The following KCNQ3 variants were observed in gnomAD, a reference collection of about 807,000 sequenced individuals.
The protein encoded by KCNQ3 is potassium voltage-gated channel subfamily KQT member 3.
KCNQ3 carries 30 observed loss-of-function variants against 92.5 expected under a neutral mutation model. The observed-to-expected ratio is 0.32, with a 90% CI of 0.24 to 0.44. The LOEUF (loss-of-function observed/expected upper bound fraction) is 0.44, where lower values mean the gene tolerates loss of function less well. Among genes scored for constraint, KCNQ3 ranks in the 20% least tolerant of loss-of-function variants. KCNQ3 has a pLI of 1.00. For missense variants in KCNQ3, 913 were observed against 1,140.3 expected (o/e 0.80, Z 2.87); for synonymous variants, 450 against 468.8 (o/e 0.96, Z 0.52).
At chr8:132,177,449 A>G (rs1393086532) in intron 4 of KCNQ3, among the ~76,000 whole-genome samples, 2 of 152,122 alleles carry the variant, frequency 1.3e-5, no homozygotes, top group African/African-American at 2.4e-5. Context: ...AAGTGATGGG[A>G]GTGAATCCCT....
intron 1 of KCNQ3, among the ~76,000 whole-genome samples, chr8:132,477,966 T>C (rs930102946): frequency 2.0e-5 from 3 of 152,210 alleles, no homozygotes; most frequent in Non-Finnish European, 4.4e-5. Context: ...CGCGGACAAG[T>C]GATTTTCTCT....
intron 1 of KCNQ3, among the ~76,000 whole-genome samples, chr8:132,441,576 C>G (rs558204462): frequency 0.025 from 3,133 of 125,744 alleles, 40 homozygotes; most frequent in Middle Eastern, 0.047. Context: ...AATCAAAAAA[C>G]AAAACAAAAC....
chr8:132,437,932 A>T (rs189278574), intron 1 of KCNQ3, among the ~76,000 whole-genome samples: 1 of 152,356 alleles, frequency 6.6e-6, no homozygotes, highest in Admixed American at 6.5e-5. Flanking sequence ...TCCATTAAGC[A>T]GCTTTGTGTG....
intron 1 of KCNQ3, among the ~76,000 whole-genome samples, chr8:132,207,717 T>TA (rs1462231775): frequency 3.3e-5 from 5 of 151,438 alleles, no homozygotes; most frequent in African/African-American, 9.7e-5. Flanking sequence ...TTTTTTTTTT[T>TA]ATCCCATTAG....
chr8:132,176,102 G>C (rs147851259), intron 4 of KCNQ3, among the ~76,000 whole-genome samples: 60 of 152,256 alleles, frequency 3.9e-4, no homozygotes, highest in African/African-American at 1.4e-3. Context: ...ATCTTCATTT[G>C]TTAAATGAAG....
chr8:132,431,421 G>A (rs951406319), intron 1 of KCNQ3, among the ~76,000 whole-genome samples: 5 of 152,170 alleles, frequency 3.3e-5, no homozygotes, highest in Admixed American at 2.0e-4. Context: ...CCTCAGAGTC[G>A]GGGGACACAC....
chr8:132,480,181 G>A lies in KCNQ3; in HGVS notation c.352C>T (p.Pro118Ser). ...QTLIYDALER[P>S]RGWALLYHAL... The stretch of plus-strand genomic sequence containing the variant: ...TGGTAAAGCAGCGCCCAGCCCCGCG[G>A]TCTCTCCAGGGCGTCGTAGATCAAA... The change falls in exon 1 of 15, where the codon CCG becomes TCG. Residue 118 changes from proline (P) to serine (S), a missense_variant. This residue lies in a region of KCNQ3 where 100 missense variants were observed against 217.6 expected (regional missense o/e 0.46). Transcript: ENST00000388996. 1 of 1,612,930 alleles carries A rather than the reference G, an allele frequency of 6.2e-7. No homozygotes were observed. Among genetic ancestry groups the A allele is most frequent in the Non-Finnish European group, 8.5e-7 (1 of 1,179,270 alleles).
At chr8:132,448,356 C>T (rs947453395) in intron 1 of KCNQ3, among the ~76,000 whole-genome samples, 29 of 148,524 alleles carry the variant, frequency 2.0e-4, no homozygotes, top group Non-Finnish European at 3.7e-4. Context: ...ATCCCTGGGA[C>T]GCCTCAGCTG....
intron 1 of KCNQ3, among the ~76,000 whole-genome samples, chr8:132,248,419 G>C (rs1399573439): frequency 2.6e-5 from 4 of 151,474 alleles, no homozygotes; most frequent in Admixed American, 2.6e-4. Context: ...TCCTATTAAA[G>C]TTAGTTCACC....
Position 132,140,736 on chromosome 8 carries a change from A to G in KCNQ3, c.1465+393T>C, listed in dbSNP as rs565908752. ...AGAGGCACATGAGGCCATGGCTCCTACAGCCTCCAGAGGGCGCTTTTCTGC... is the reference window on the plus strand; with the variant it reads ...AGAGGCACATGAGGCCATGGCTCCTGCAGCCTCCAGAGGGCGCTTTTCTGC... On this transcript the variant is annotated intron_variant, in intron 10 of 14. Coordinates refer to ENST00000388996, the MANE Select transcript of KCNQ3 (RefSeq NM_004519.4). 7 of 298,042 alleles carry G rather than the reference A, an allele frequency of 2.3e-5. No individual in the cohort carries two copies. The East Asian group carries it at 6.1e-4, about 26-fold the overall frequency. The allele number at this position is 298,042 out of a possible 1,614,324, so 18.5% of individuals were successfully genotyped here.
chr8:132,228,767 A>C (rs1814525208), intron 1 of KCNQ3, among the ~76,000 whole-genome samples: 2 of 152,014 alleles, frequency 1.3e-5, no homozygotes, highest in Admixed American at 6.6e-5. Flanking sequence ...TTGAAAAAAA[A>C]AAAAAAAGAG....
chr8:132,257,659 A>G (rs578048852), intron 1 of KCNQ3, among the ~76,000 whole-genome samples: 1 of 149,408 alleles, frequency 6.7e-6, no homozygotes, highest in Admixed American at 6.8e-5. Context: ...AGACAGGAGA[A>G]TCTCTTGAAC....
chr8:132,277,976 C>G (rs563051488), intron 1 of KCNQ3: 6 of 985,246 alleles, frequency 6.1e-6, no homozygotes, highest in Admixed American at 6.1e-5. Context: ...CACCTTCACC[C>G]CCACAGGACA....
At chr8:132,258,796 C>A (rs1038646163) in intron 1 of KCNQ3, among the ~76,000 whole-genome samples, 18 of 151,740 alleles carry the variant, frequency 1.2e-4, no homozygotes, top group African/African-American at 4.3e-4. Flanking sequence ...ACTCAAGTTA[C>A]TAAAATTTGG....
At chr8:132,142,400 T>C (rs1274826532) in intron 9 of KCNQ3, among the ~76,000 whole-genome samples, 1 of 152,204 alleles carries the variant, frequency 6.6e-6, no homozygotes, top group South Asian at 2.1e-4. Context: ...GGGATAAGCA[T>C]TCCCTGCTTT....
chr8:132,302,393 G>A (rs989312230), intron 1 of KCNQ3, among the ~76,000 whole-genome samples: 3 of 152,178 alleles, frequency 2.0e-5, no homozygotes, highest in African/African-American at 7.2e-5. Flanking sequence ...TACTGCCATC[G>A]AACAGTCAGG....
In KCNQ3 at chr8:132,134,496, AGAGGAGAGGAGAGGAGAGGAGAAGT is replaced by A. The variant is rs1344291055; in HGVS notation, c.1701-133_1701-109del. On this transcript the variant is annotated intron_variant, in intron 12 of 14. Coordinates refer to ENST00000388996, the MANE Select transcript of KCNQ3 (RefSeq NM_004519.4). ...ATGAGATAAGGGTTTGGAATATATA[AGAGGAGAGGAGAGGAGAGGAGAAGT>A]GAGGAGAGGAGAGGGGAGGAGAGGA... 8.3e-5 allele frequency: 58 copies of A among 696,546 alleles called. No homozygotes were observed. In the African/African-American group the frequency reaches 9.3e-4, roughly 11 times the overall value. 43.1% of individuals were successfully genotyped at this position (696,546 alleles called of 1,614,324 possible).
At chr8:132,354,813 T>C (rs1211459079) in intron 1 of KCNQ3, among the ~76,000 whole-genome samples, 1 of 152,242 alleles carries the variant, frequency 6.6e-6, no homozygotes, top group Non-Finnish European at 1.5e-5. Context: ...CCTGTACTGC[T>C]GGGCTTGTGG....
At chr8:132,396,147 C>G (rs529172081) in intron 1 of KCNQ3, among the ~76,000 whole-genome samples, 32 of 152,322 alleles carry the variant, frequency 2.1e-4, no homozygotes, top group African/African-American at 7.2e-4. Context: ...TCATTTCCGA[C>G]CCAGGCAGTG....
Sources: allele counts gnomAD v4.1 joint callset (sites outside exome capture counted in the v4.1 genomes callset), GRCh38; gene constraint gnomAD v4.1.1; regional missense constraint gnomAD v4.1.1; transcripts MANE v1.5; gene names NCBI Gene and HGNC (gene_info 2026-07-23, HGNC 2026-07-21).